The following RABGGTB variants were observed in gnomAD, a reference collection of about 807,000 sequenced individuals.
RABGGTB encodes the protein geranylgeranyl transferase type-2 subunit beta.
Under a neutral mutation model 44.5 loss-of-function variants are expected in RABGGTB, and 20 were observed. The observed-to-expected ratio is 0.45, with a 90% CI of 0.32 to 0.65. RABGGTB has a LOEUF of 0.65. Among genes scored for constraint, RABGGTB ranks in the 30% least tolerant of loss-of-function variants. The pLI, the probability that RABGGTB is intolerant of heterozygous loss-of-function variation, is 0.05. For missense variants in RABGGTB, 302 were observed against 398.7 expected (o/e 0.76, Z 2.06); for synonymous variants, 128 against 136.7 (o/e 0.94, Z 0.44).
At chr1:75,792,783 T>C (rs1649678123) in intron 7 of RABGGTB, among the ~76,000 whole-genome samples, 1 of 152,160 alleles carries the variant, frequency 6.6e-6, no homozygotes, top group Non-Finnish European at 1.5e-5. Flanking sequence ...TGGTAAGAAA[T>C]GAATGAGTAT....
At chr1:75,791,982 A>T in intron 6 of RABGGTB, 199 bp from the exon 7 acceptor site, 1 of 490,184 alleles carries the variant, frequency 2.0e-6, no homozygotes, top group Non-Finnish European at 3.6e-6. Flanking sequence ...TGACAATAAT[A>T]TTTCAGTGCA....
chr1:75,794,566 A>G lies in RABGGTB; in HGVS notation c.912A>G (p.Glu304=). The G allele has an allele frequency of 6.2e-7, 1 of 1,613,316 alleles. No individual in the cohort carries two copies. The highest frequency in any genetic ancestry group is 1.1e-5 in the South Asian group (1 of 90,996). The change falls in exon 9 of 9, where the codon GAA becomes GAG. Residue 304 remains glutamate (E), a synonymous_variant. Coordinates refer to ENST00000319942, the MANE Select transcript of RABGGTB (RefSeq NM_004582.4). ...CTGGATTGTCACTTTTGGGAGAAGA[A>G]CAGATTAAACCTGTTAATCCTGTCT... is the stretch of plus-strand genomic sequence containing the variant. ...GIAGLSLLGE[E]QIKPVNPVFC... is the part of the protein sequence containing the mutation.
intron 4 of RABGGTB, 25 bp downstream of exon 4, chr1:75,790,082 A>G (rs1056692423): frequency 1.2e-6 from 2 of 1,607,596 alleles, no homozygotes; most frequent in Admixed American, 3.4e-5. Context: ...AGTCCATTCT[A>G]CCCAAAATAC....
chr1:75,792,143 A>T, intron 6 of RABGGTB, 38 bp from the exon 7 acceptor site: 1 of 1,541,290 alleles, frequency 6.5e-7, no homozygotes, highest in Non-Finnish European at 8.9e-7. Flanking sequence ...AATGTCAAGA[A>T]ATTATTATAC....
At position 75,788,104 on chromosome 1, in the gene RABGGTB, C is replaced by T. The variant is rs1486960959; in HGVS notation, c.111+500C>T. On this transcript the variant is annotated intron_variant, in intron 2 of 8. Coordinates refer to ENST00000319942, the MANE Select transcript of RABGGTB (RefSeq NM_004582.4). ...TCCAAACTCAGTTGTCTTAGTCTACCGATTTGTGGGATATATGGTATGTAT... is the reference window on the plus strand; with the variant it reads ...TCCAAACTCAGTTGTCTTAGTCTACTGATTTGTGGGATATATGGTATGTAT... 28 of 338,800 alleles carry T rather than the reference C, an allele frequency of 8.3e-5. 1 individual carries two copies. Among genetic ancestry groups the T allele is most frequent in the Non-Finnish European group, 1.2e-5 (2 of 172,744 alleles). The allele number at this position is 338,800 out of a possible 1,614,324, so 21.0% of individuals were successfully genotyped here.
upstream of RABGGTB, chr1:75,786,241 C>G (rs777200001): frequency 5.6e-6 from 9 of 1,613,940 alleles, no homozygotes; most frequent in African/African-American, 4.0e-5. Flanking sequence ...TACCCAGGAA[C>G]TGACCCTGCT....
rs549019085 is a variant in RABGGTB at position 75,789,143 on chromosome 1, TTG to T, written c.112-12_112-11del. On this transcript the variant is annotated splice_polypyrimidine_tract_variant and intron_variant, in intron 2 of 8. Coordinates refer to ENST00000319942, the MANE Select transcript of RABGGTB (RefSeq NM_004582.4). ...CAGTTCAAATGACAGATTTAAGAAA[TTG>T]TGTATTATTTTAGGAATACTGTATG... 20 of 1,606,656 alleles carry T rather than the reference TTG, an allele frequency of 1.2e-5. No individual in the cohort carries two copies. The highest frequency in any genetic ancestry group is 1.5e-5 in the Non-Finnish European group (18 of 1,173,482).
intron 3 of RABGGTB, 163 bp downstream of exon 3, chr1:75,789,519 A>G (rs1649592563): frequency 1.2e-6 from 1 of 824,920 alleles, no homozygotes; most frequent in Non-Finnish European, 2.1e-6. Context: ...TCTAAAGTTG[A>G]TGTGAGTTCT....
intron 3 of RABGGTB, 100 bp from the exon 4 acceptor site, chr1:75,789,850 CAG>C (rs888405299): frequency 1.9e-5 from 16 of 840,592 alleles, no homozygotes; most frequent in South Asian, 1.2e-4. Flanking sequence ...GTTATATACA[CAG>C]AGACAAAAGG....
chr1:75,789,676 G>A (rs191099096), intron 3 of RABGGTB: 177 of 581,328 alleles, frequency 3.0e-4, no homozygotes, highest in African/African-American at 2.3e-3. Flanking sequence ...TGGGTGCTGA[G>A]ATGGGAAGAT....
intron 8 of RABGGTB, 22 bp from the exon 9 acceptor site, chr1:75,794,488 A>T (rs752569264): frequency 1.2e-6 from 2 of 1,600,688 alleles, no homozygotes; most frequent in Non-Finnish European, 8.5e-7. Flanking sequence ...TGTGATCTGT[A>T]TATAAATTCT....
At chr1:75,787,774 G>C in intron 2 of RABGGTB, 170 bp downstream of exon 2, 1 of 667,362 alleles carries the variant, frequency 1.5e-6, no homozygotes, top group Non-Finnish European at 2.7e-6. Context: ...TGAGGCTGTG[G>C]GCTTATTAGA....
rs766324655 is a variant in RABGGTB at position 75,786,284 on chromosome 1, A to T, written c.3+10A>T. The T allele has an allele frequency of 6.2e-7, 1 of 1,614,030 alleles. No homozygotes were observed. The highest frequency in any genetic ancestry group is 1.7e-5 in the Admixed American group (1 of 60,016). ...TTCCCTGTTAGACATGGTAAGTGTG[A>T]GTTTAGCGCTGCTGTCCGGATGGGT... On this transcript the variant is annotated intron_variant, in intron 1 of 8. Coordinates refer to ENST00000319942, the MANE Select transcript of RABGGTB (RefSeq NM_004582.4).
upstream of RABGGTB, chr1:75,786,246 C>G (rs775673699): frequency 6.8e-6 from 11 of 1,613,942 alleles, no homozygotes; most frequent in Non-Finnish European, 5.1e-6. Context: ...AGGAACTGAC[C>G]CTGCTCTCTC....
At chr1:75,791,121 C>T in intron 4 of RABGGTB, 164 bp from the exon 5 acceptor site, 1 of 623,134 alleles carries the variant, frequency 1.6e-6, no homozygotes, top group South Asian at 2.0e-5. Context: ...AAGGAATTTT[C>T]TTGGGAAGTA....
intron 1 of RABGGTB, chr1:75,787,108 G>C (rs1340514302): frequency 3.8e-6 from 2 of 531,332 alleles, no homozygotes; most frequent in Admixed American, 3.9e-5. Flanking sequence ...TGAATCTAAA[G>C]TTGATTATTA....
rs1310726184 is a variant in RABGGTB at position 75,789,974 on chromosome 1, TTAA to T, written c.334_336del (p.Asn112del). On this transcript the variant is annotated inframe_deletion, in exon 4 of 9. Transcript: ENST00000319942. The stretch of plus-strand genomic sequence containing the variant: ...CAGATTCTTACGCTGTATGACAGTA[TTAA>T]TGTTATTGACGTAAATAAAGTTGTG... 1 of 1,610,152 alleles carries T rather than the reference TTAA, an allele frequency of 6.2e-7. No homozygotes were observed. The highest frequency in any genetic ancestry group is 1.7e-5 in the Admixed American group (1 of 59,728).
chr1:75,788,865 A>G (rs1467945338), intron 2 of RABGGTB: 1 of 383,434 alleles, frequency 2.6e-6, no homozygotes, highest in Non-Finnish European at 4.7e-6. Context: ...TGAAAAAGGT[A>G]GATGTTTTTC....
At chr1:75,789,684 G>A (rs1404929234) in intron 3 of RABGGTB, 3 of 573,488 alleles carry the variant, frequency 5.2e-6, no homozygotes, top group African/African-American at 3.7e-5. Flanking sequence ...GAGATGGGAA[G>A]ATCAGGACTT....
Sources: allele counts gnomAD v4.1 joint callset (sites outside exome capture counted in the v4.1 genomes callset), GRCh38; gene constraint gnomAD v4.1.1; transcripts MANE v1.5; gene names NCBI Gene and HGNC (gene_info 2026-07-23, HGNC 2026-07-21).